The following MTMR9 variants were observed in gnomAD, a reference collection of about 807,000 sequenced individuals.
The protein encoded by MTMR9 is myotubularin related protein 9.
MTMR9 carries 39 observed loss-of-function variants against 69.5 expected under a neutral mutation model. That is an observed-to-expected ratio of 0.56 (90% CI 0.43 to 0.73). MTMR9 has a LOEUF of 0.73. MTMR9 is among the 30% of genes least tolerant of loss of function. The probability of loss-of-function intolerance (pLI) is 0.00; values close to 1 mark genes in which losing one functional copy is unlikely to be tolerated. For missense variants in MTMR9, 900 were observed against 671.2 expected (o/e 1.34, Z -3.77); for synonymous variants, 354 against 240.8 (o/e 1.47, Z -4.35).
rs774684717 is a variant in MTMR9, at chr8:11,319,785, A to G, written c.1433A>G (p.Asn478Ser). The G allele has an allele frequency of 7.4e-6, 12 of 1,614,080 alleles. No individual in the cohort carries two copies. The highest frequency in any genetic ancestry group is 1.3e-5 in the African/African-American group (1 of 74,926). ...SKFTNPLFEANNLVIWPSVAP... is the reference protein window; with the variant it reads ...SKFTNPLFEASNLVIWPSVAP... Reference sequence around the variant, plus strand: ...TTCACCAATCCCCTCTTTGAAGCCAACAACCTTGTCATCTGGCCTTCAGTT... The same window carrying G: ...TTCACCAATCCCCTCTTTGAAGCCAGCAACCTTGTCATCTGGCCTTCAGTT... The change falls in exon 9 of 10, where the codon AAC becomes AGC. Residue 478 changes from asparagine (N) to serine (S), a missense_variant. Coordinates refer to ENST00000221086, the MANE Select transcript of MTMR9 (RefSeq NM_015458.4).
the MTMR9 span, among the ~76,000 whole-genome samples, chr8:11,333,831 T>A: frequency 6.6e-6 from 1 of 152,242 alleles, no homozygotes; most frequent in South Asian, 2.1e-4. Flanking sequence ...TTGCTATGGT[T>A]TGAATGTCCC....
intron 3 of MTMR9, among the ~76,000 whole-genome samples, chr8:11,304,332 A>G (rs114734609): frequency 0.01 from 1,582 of 152,286 alleles, 29 homozygotes; most frequent in African/African-American, 0.035. Flanking sequence ...CTGGGGATGC[A>G]TTATCTGGAG....
rs1801012503 is a variant in MTMR9, at chr8:11,327,860, A to G, written c.*5072A>G. The stretch of plus-strand genomic sequence containing the variant: ...CAGTCTTAGGGAAAAAAAAAAGCAG[A>G]ACTTTTGTAAGTCTGTGTAACATTT... On this transcript the variant is annotated 3_prime_UTR_variant, in exon 10 of 10. Transcript: ENST00000221086. 6.6e-6 allele frequency: 1 copy of G among 152,606 alleles called. No individual in the cohort carries two copies. Among genetic ancestry groups the G allele is most frequent in the African/African-American group, 2.4e-5 (1 of 41,450 alleles). The allele number at this position is 152,606 out of a possible 1,614,324, so 9.5% of individuals were successfully genotyped here.
At chr8:11,308,481 G>T (rs1329889556) in intron 5 of MTMR9, among the ~76,000 whole-genome samples, 1 of 152,188 alleles carries the variant, frequency 6.6e-6, no homozygotes. Flanking sequence ...AGGCCATCAG[G>T]ACCAGGGCTT....
At chr8:11,332,686 C>T (rs1469096332), downstream of MTMR9, among the ~76,000 whole-genome samples, 1 of 151,988 alleles carries the variant, frequency 6.6e-6, no homozygotes, top group Non-Finnish European at 1.5e-5. Context: ...ACTGTAACAT[C>T]CGCCTTCTGG....
At chr8:11,292,454 A>G (rs1799406896) in intron 1 of MTMR9, among the ~76,000 whole-genome samples, 1 of 152,168 alleles carries the variant, frequency 6.6e-6, no homozygotes, top group African/African-American at 2.4e-5. Flanking sequence ...CTACATACCT[A>G]TGAGCAGTGT....
At chr8:11,315,147 A>G in intron 7 of MTMR9, 83 bp downstream of exon 7, 1 of 1,505,402 alleles carries the variant, frequency 6.6e-7, no homozygotes, top group Non-Finnish European at 9.1e-7. Flanking sequence ...ATAATGTGTG[A>G]AATTTCGATT....
At chr8:11,315,249 C>T (rs1295247411) in intron 7 of MTMR9, among the ~76,000 whole-genome samples, 185 bp downstream of exon 7, 1 of 152,192 alleles carries the variant, frequency 6.6e-6, no homozygotes, top group Non-Finnish European at 1.5e-5. Flanking sequence ...CTGTATTCCT[C>T]ACTTGACACT....
At chr8:11,321,318 G>T (rs1258078411) in intron 9 of MTMR9, 2 of 436,230 alleles carry the variant, frequency 4.6e-6, no homozygotes, top group South Asian at 3.3e-5. Flanking sequence ...AGTCAGTACA[G>T]GGTTCATGAT....
rs973805690 is a variant in MTMR9 at position 11,316,843 on chromosome 8, T to C, written c.1284T>C (p.His428=). Residue 428 remains histidine (H), a synonymous_variant, in exon 8 of 10, where the codon CAT becomes CAC. Coordinates refer to ENST00000221086, the MANE Select transcript of MTMR9 (RefSeq NM_015458.4). ...ATTTCCTCATCATGCTCTTTGAGCA[T>C]GCTTATGCCTCACAGTTTGGAACAT... ...NENFLIMLFE[H]AYASQFGTFL... 3.1e-6 allele frequency: 5 copies of C among 1,613,066 alleles called. No individual in the cohort carries two copies. The African/African-American group carries it at 4.0e-5, about 13-fold the overall frequency.
At chr8:11,310,245 C>G (rs965185818) in intron 6 of MTMR9, among the ~76,000 whole-genome samples, 2 of 152,148 alleles carry the variant, frequency 1.3e-5, no homozygotes, top group African/African-American at 4.8e-5. Flanking sequence ...TTAATTCACT[C>G]AGTTAAAGGT....
At position 11,324,105 on chromosome 8, in the gene MTMR9, C is replaced by G. The variant is rs1328077076; in HGVS notation, c.*1317C>G. On this transcript the variant is annotated 3_prime_UTR_variant, in exon 10 of 10. Transcript: ENST00000221086. ...GATAGTTTATGAGTAATCTTTAAAA[C>G]CATTTCCATACCATCTGTATATAAC... The G allele has an allele frequency of 6.6e-6, 1 of 152,154 alleles. No individual in the cohort carries two copies. The highest frequency in any genetic ancestry group is 1.5e-5 in the Non-Finnish European group (1 of 68,034). The allele number at this position is 152,154 out of a possible 1,614,324, so 9.4% of individuals were successfully genotyped here. A position where few individuals can be genotyped will look rare whatever the true frequency, so the allele number is the denominator to read the frequency against.
chr8:11,293,183 G>A (rs1007316176), intron 1 of MTMR9, among the ~76,000 whole-genome samples: 3 of 152,148 alleles, frequency 2.0e-5, no homozygotes, highest in Non-Finnish European at 2.9e-5. Context: ...CCAACCCTGT[G>A]TAGGCCTAGG....
intron 1 of MTMR9, chr8:11,294,702 G>C (rs1380369300): frequency 6.6e-6 from 1 of 152,002 alleles, no homozygotes; most frequent in East Asian, 1.9e-4. Flanking sequence ...TGTTAGCCAG[G>C]ATGGTCTTGA....
intron 1 of MTMR9, among the ~76,000 whole-genome samples, chr8:11,290,989 C>A (rs73537134): frequency 6.6e-6 from 1 of 151,488 alleles, no homozygotes; most frequent in African/African-American, 2.4e-5. Context: ...GACTCAAAGG[C>A]AGTTGCAAAA....
Position 11,322,827 on chromosome 8 carries a change from C to T in MTMR9, c.*39C>T, listed in dbSNP as rs1800758071. The T allele has an allele frequency of 1.9e-6, 3 of 1,578,582 alleles. No homozygotes were observed. Among genetic ancestry groups the T allele is most frequent in the Non-Finnish European group, 2.6e-6 (3 of 1,160,528 alleles). ...ACCCTTCGCAAGGACCTTCTTGGGC[C>T]TGTGTCCGCCGTTCTCTCCTTGTGC... On this transcript the variant is annotated 3_prime_UTR_variant, in exon 10 of 10. Coordinates refer to ENST00000221086, the MANE Select transcript of MTMR9 (RefSeq NM_015458.4).
At position 11,295,242 on chromosome 8, in the gene MTMR9, A is replaced by T; in HGVS notation, c.231A>T (p.Arg77=). The part of the protein sequence containing the change: ...GTIIIKCKDF[R]IIQLDIPGME... ...TCATCATAAAATGTAAAGATTTTCG[A>T]ATTATTCAGTTGGATATTCCTGGAA... Residue 77 remains arginine (R), a synonymous_variant, in exon 2 of 10, where the codon CGA becomes CGT. Transcript: ENST00000221086. 1 of 1,612,150 alleles carries T rather than the reference A, an allele frequency of 6.2e-7. No individual in the cohort carries two copies. The highest frequency in any genetic ancestry group is 8.5e-7 in the Non-Finnish European group (1 of 1,178,666).
At chr8:11,329,504 CAG>C (rs772643094), downstream of MTMR9, among the ~76,000 whole-genome samples, 1 of 152,242 alleles carries the variant, frequency 6.6e-6, no homozygotes, top group East Asian at 1.9e-4. Context: ...TTGGTGGAGA[CAG>C]GGTTTCGCTG....
At chr8:11,320,772 G>C (rs1188158922) in intron 9 of MTMR9, 1 of 152,060 alleles carries the variant, frequency 6.6e-6, no homozygotes, top group Non-Finnish European at 1.5e-5. Context: ...AAATCTATCT[G>C]AACTATATAG....
Sources: allele counts gnomAD v4.1 joint callset (sites outside exome capture counted in the v4.1 genomes callset), GRCh38; gene constraint gnomAD v4.1.1; transcripts MANE v1.5; gene names NCBI Gene and HGNC (gene_info 2026-07-23, HGNC 2026-07-21).